EYS: variants seen among roughly 807,000 people sequenced by gnomAD.
EYS encodes EGF-like photoreceptor maintenance factor.
A neutral mutation model predicts 282.1 loss-of-function variants in EYS; 250 were observed. The ratio of observed to expected loss-of-function variants is 0.89; its 90% CI spans 0.80 to 0.98. The LOEUF is 0.98. EYS is among the 50% of genes least tolerant of loss of function. EYS has a pLI of 0.00. For missense variants in EYS, 4,016 were observed against 3,709.0 expected (o/e 1.08, Z -2.15); for synonymous variants, 1,355 against 1,282.9 (o/e 1.06, Z -1.20).
At chr6:63,831,520 C>A (rs1327822180) in intron 36 of EYS, among the ~76,000 whole-genome samples, 5 of 152,098 alleles carry the variant, frequency 3.3e-5, no homozygotes, top group Admixed American at 1.3e-4. Flanking sequence ...GCTAACTATC[C>A]TAAATATATA....
At chr6:65,702,940 A>C (rs1769732039) in intron 1 of EYS, among the ~76,000 whole-genome samples, 1 of 152,130 alleles carries the variant, frequency 6.6e-6, no homozygotes, top group Non-Finnish European at 1.5e-5. Context: ...CATTTAAATC[A>C]GGAGACTTAG....
At chr6:64,600,247 C>T (rs1766721878) in intron 24 of EYS, among the ~76,000 whole-genome samples, 1 of 39,768 alleles carries the variant, frequency 2.5e-5, no homozygotes, top group Admixed American at 2.6e-4. Flanking sequence ...AACTGTATGT[C>T]CAATTCTCTC....
At chr6:64,183,497 A>G (rs1267887945) in intron 31 of EYS, among the ~76,000 whole-genome samples, 1 of 152,186 alleles carries the variant, frequency 6.6e-6, no homozygotes, top group Non-Finnish European at 1.5e-5. Context: ...ATTTGAATGG[A>G]TAAATGAAGA....
At chr6:64,542,869 G>A (rs1046632068) in intron 26 of EYS, among the ~76,000 whole-genome samples, 1 of 151,986 alleles carries the variant, frequency 6.6e-6, no homozygotes, top group East Asian at 1.9e-4. Flanking sequence ...TTTAGAAGAG[G>A]TTCTAATGCA....
At chr6:65,163,574 C>T (rs1764901288) in intron 12 of EYS, among the ~76,000 whole-genome samples, 2 of 151,146 alleles carry the variant, frequency 1.3e-5, no homozygotes, top group Admixed American at 1.3e-4. Flanking sequence ...GTGTAAAAGG[C>T]ATGTCTTTAT....
In EYS at chr6:64,909,058, C is replaced by T. The variant is rs1014855337; in HGVS notation, c.2641+3426G>A. 3.3e-5 allele frequency among the ~76,000 whole-genome samples: 5 copies of T among 152,182 alleles called. No homozygotes were observed. The South Asian group carries it at 1.0e-3, about 32-fold the overall frequency. ...GGCTGCCTCCTGTCACTATCAAAAG[C>T]TTTTACCGCATTGTACTTTAATGGT... On this transcript the variant is annotated intron_variant, in intron 16 of 42. Transcript: ENST00000503581.
At chr6:64,794,360 A>AG (rs781585440) in intron 22 of EYS, among the ~76,000 whole-genome samples, 5 of 152,062 alleles carry the variant, frequency 3.3e-5, no homozygotes, top group African/African-American at 4.8e-5. Context: ...AACGTTGGTG[A>AG]GGGGCTTGGT....
intron 2 of EYS, among the ~76,000 whole-genome samples, chr6:65,618,281 G>C (rs1466462754): frequency 6.6e-6 from 1 of 152,214 alleles, no homozygotes; most frequent in Non-Finnish European, 1.5e-5. Flanking sequence ...TGTGGTTTTG[G>C]TTTGCATTTC....
At chr6:65,169,562 A>G (rs1765055633) in intron 12 of EYS, among the ~76,000 whole-genome samples, 1 of 151,488 alleles carries the variant, frequency 6.6e-6, no homozygotes, top group Admixed American at 6.6e-5. Flanking sequence ...AGCCAATACA[A>G]CACATGCTTT....
At chr6:64,546,311 C>A (rs1287649956) in intron 26 of EYS, among the ~76,000 whole-genome samples, 1 of 152,156 alleles carries the variant, frequency 6.6e-6, no homozygotes, top group Non-Finnish European at 1.5e-5. Context: ...GGAAAACTGG[C>A]TAGCCATATG....
At chr6:64,245,373 T>G (rs748509456) in intron 30 of EYS, among the ~76,000 whole-genome samples, 10 of 152,034 alleles carry the variant, frequency 6.6e-5, no homozygotes, top group Non-Finnish European at 1.2e-4. Flanking sequence ...TAGGTGGCAG[T>G]GCAGTGACAC....
At chr6:64,110,064 A>G (rs1773154941) in intron 31 of EYS, among the ~76,000 whole-genome samples, 1 of 152,058 alleles carries the variant, frequency 6.6e-6, no homozygotes. Flanking sequence ...TTTTTCTATA[A>G]CAGAATATAG....
intron 26 of EYS, among the ~76,000 whole-genome samples, chr6:64,551,250 A>G (rs559767257): frequency 6.6e-6 from 1 of 150,500 alleles, no homozygotes; most frequent in Non-Finnish European, 1.5e-5. Flanking sequence ...TAATAAGTTT[A>G]TTTAAATTTA....
chr6:64,842,542 A>C (rs1390005975), intron 19 of EYS, among the ~76,000 whole-genome samples: 1 of 151,992 alleles, frequency 6.6e-6, no homozygotes, highest in Non-Finnish European at 1.5e-5. Flanking sequence ...GAAAGTTTGG[A>C]ATCTTCTAGA....
At chr6:65,692,969 G>A (rs1289994902) in intron 1 of EYS, among the ~76,000 whole-genome samples, 1 of 149,912 alleles carries the variant, frequency 6.7e-6, no homozygotes, top group Non-Finnish European at 1.5e-5. Context: ...TGGCTCCTGA[G>A]ATACCTAGAT....
At chr6:64,469,061 G>T (rs1776025476) in intron 26 of EYS, among the ~76,000 whole-genome samples, 1 of 152,144 alleles carries the variant, frequency 6.6e-6, no homozygotes, top group Non-Finnish European at 1.5e-5. Flanking sequence ...AGTTCTTTGA[G>T]AAATTGCCAA....
intron 12 of EYS, among the ~76,000 whole-genome samples, chr6:65,265,669 A>G (rs1767734714): frequency 6.6e-6 from 1 of 151,970 alleles, no homozygotes; most frequent in African/African-American, 2.4e-5. Context: ...AATGATATAG[A>G]ACTACTCAGA....
chr6:64,210,950 G>A (rs1285367592), intron 31 of EYS, among the ~76,000 whole-genome samples: 1 of 152,166 alleles, frequency 6.6e-6, no homozygotes, highest in East Asian at 1.9e-4. Flanking sequence ...GAACTTCAAG[G>A]CTCTCTAGCC....
In EYS at chr6:63,721,614, T is replaced by G. The variant is rs1195225992; in HGVS notation, c.8417A>C (p.Glu2806Ala). 1 of 1,551,494 alleles carries G rather than the reference T, an allele frequency of 6.4e-7. No homozygotes were observed. The highest frequency in any genetic ancestry group is 2.0e-5 in the Admixed American group (1 of 50,974). Residue 2806 changes from glutamate to alanine, a missense_variant, in exon 43 of 43, where the codon GAA (glutamate) becomes GCA (alanine). Glu to Ala is a moderately radical substitution (Grantham distance 107). Transcript: ENST00000503581. Reference protein sequence around the residue: ...YLDLDGINVTEKASTKMSSLD... With the variant: ...YLDLDGINVTAKASTKMSSLD... ...AGAACTCATTTTAGTGGAGGCCTTTTCTGTTACATTTATCCCATCTAGATC... is the reference window on the plus strand; with the variant it reads ...AGAACTCATTTTAGTGGAGGCCTTTGCTGTTACATTTATCCCATCTAGATC...
Sources: allele counts gnomAD v4.1 joint callset (sites outside exome capture counted in the v4.1 genomes callset), GRCh38; gene constraint gnomAD v4.1.1; transcripts MANE v1.5; gene names NCBI Gene and HGNC (gene_info 2026-07-23, HGNC 2026-07-21).